Variants in ELMO1 observed in about 807,000 individuals in gnomAD.
ELMO1 encodes engulfment and cell motility 1, also known as engulfment and cell motility protein 1.
A neutral mutation model predicts 98.9 loss-of-function variants in ELMO1; 26 were observed. That is an observed-to-expected ratio of 0.26 (90% CI 0.19 to 0.36). ELMO1 has a LOEUF of 0.36. Among genes scored for constraint, ELMO1 ranks in the 10% least tolerant of loss-of-function variants. The pLI, the probability that ELMO1 is intolerant of heterozygous loss-of-function variation, is 1.00. For missense variants in ELMO1, 627 were observed against 935.2 expected (o/e 0.67, Z 4.30); for synonymous variants, 346 against 346.0 (o/e 1.00, Z 0.00).
chr7:37,368,514 C>T (rs1801989110), intron 1 of ELMO1, among the ~76,000 whole-genome samples: 1 of 152,134 alleles, frequency 6.6e-6, no homozygotes, highest in African/African-American at 2.4e-5. Flanking sequence ...CTTCCACCTC[C>T]CTGTCTCTGA....
chr7:37,411,962 G>C (rs1459094433), intron 1 of ELMO1, among the ~76,000 whole-genome samples: 1 of 152,096 alleles, frequency 6.6e-6, no homozygotes, highest in Non-Finnish European at 1.5e-5. Context: ...ATGCTCCACA[G>C]AGGAGAAAAT....
intron 14 of ELMO1, among the ~76,000 whole-genome samples, chr7:37,123,219 T>A (rs559477251): frequency 1.3e-5 from 2 of 151,888 alleles, no homozygotes. Context: ...CTTCACAATT[T>A]AAAGAACTAG....
Position 36,907,988 on chromosome 7 carries a change from A to G in ELMO1, c.1438-12971T>C, listed in dbSNP as rs372970394. On this transcript the variant is annotated intron_variant, in intron 16 of 21. Transcript: ENST00000310758. ...GGATCAGGTTTTCTTAGAAGTCCCA[A>G]TAAGCACTAACTAGACTTCCTTGAG... 4.6e-5 allele frequency among the ~76,000 whole-genome samples: 7 copies of G among 152,314 alleles called. No homozygotes were observed. The East Asian group carries it at 1.4e-3, about 29-fold the overall frequency.
At chr7:37,181,721 G>T (rs556038286) in intron 13 of ELMO1, among the ~76,000 whole-genome samples, 4 of 152,282 alleles carry the variant, frequency 2.6e-5, no homozygotes, top group African/African-American at 9.6e-5. Context: ...TTTGCCCAGG[G>T]TCACACAGCT....
At chr7:37,230,182 G>A (rs977853271) in intron 8 of ELMO1, among the ~76,000 whole-genome samples, 6 of 152,054 alleles carry the variant, frequency 3.9e-5, no homozygotes, top group African/African-American at 1.2e-4. Flanking sequence ...GCCAGGCCCC[G>A]AGGATAAAGA....
intron 7 of ELMO1, 130 bp from the exon 8 acceptor site, chr7:37,233,324 G>A: frequency 1.4e-6 from 1 of 716,020 alleles, no homozygotes; most frequent in Non-Finnish European, 2.3e-6. Context: ...CAGGACCACA[G>A]GTGACTTCTT....
chr7:37,421,662 C>A (rs1804478746), intron 1 of ELMO1, among the ~76,000 whole-genome samples: 1 of 152,178 alleles, frequency 6.6e-6, no homozygotes. Flanking sequence ...TTCTTAGGGG[C>A]TGAATATGCA....
chr7:37,336,207 C>A (rs1228835933), intron 2 of ELMO1, among the ~76,000 whole-genome samples: 4 of 151,676 alleles, frequency 2.6e-5, no homozygotes, highest in Admixed American at 6.6e-5. Context: ...GCCTGGGTGA[C>A]ACAGTGAGAC....
chr7:37,033,897 C>A (rs967213895), intron 15 of ELMO1, among the ~76,000 whole-genome samples: 1 of 152,060 alleles, frequency 6.6e-6, no homozygotes, highest in African/African-American at 2.4e-5. Context: ...AGGGAGGAAG[C>A]GAACAGTTAG....
chr7:36,899,454 G>A (rs1806310351), intron 16 of ELMO1, among the ~76,000 whole-genome samples: 1 of 152,196 alleles, frequency 6.6e-6, no homozygotes, highest in East Asian at 1.9e-4. Context: ...GGAGCAGCAT[G>A]AGCAAAGGCA....
At chr7:37,350,416 T>C (rs187460003) in intron 1 of ELMO1, among the ~76,000 whole-genome samples, 20 of 152,284 alleles carry the variant, frequency 1.3e-4, no homozygotes, top group Admixed American at 7.8e-4. Flanking sequence ...GTGTCTGGCA[T>C]TGACATCATG....
Position 36,855,335 on chromosome 7 carries a change from C to A in ELMO1, c.*216G>T. On this transcript the variant is annotated 3_prime_UTR_variant, in exon 22 of 22. Transcript: ENST00000310758. This position sits in a 1 kb window ranked among gnomAD's most constrained non-coding sequence, Gnocchi z 4.2. ...GTGGACTGCAGCCATGGGAAGTGAC[C>A]TGAAGCAGTGGAGCCGAGGAACAGA... 2 of 593,168 alleles carry A rather than the reference C, an allele frequency of 3.4e-6. No homozygotes were observed. Among genetic ancestry groups the A allele is most frequent in the South Asian group, 4.0e-5 (2 of 50,562 alleles). The allele number at this position is 593,168 out of a possible 1,614,324, so 36.7% of individuals were successfully genotyped here.
intron 14 of ELMO1, among the ~76,000 whole-genome samples, chr7:37,124,641 C>G (rs1185406215): frequency 3.9e-5 from 6 of 152,284 alleles, no homozygotes; most frequent in Middle Eastern, 3.4e-3. Flanking sequence ...AAAGAGGATA[C>G]AAACAAATGG....
chr7:37,303,899 G>C (rs539174597), intron 4 of ELMO1, among the ~76,000 whole-genome samples: 8 of 152,288 alleles, frequency 5.3e-5, no homozygotes, highest in East Asian at 3.9e-4. Context: ...TAATCATCTT[G>C]TTATAGCCTC....
intron 16 of ELMO1, among the ~76,000 whole-genome samples, chr7:36,932,302 A>G (rs1330263237): frequency 2.6e-5 from 4 of 152,178 alleles, no homozygotes; most frequent in Admixed American, 6.5e-5. Context: ...ATGAAAATCA[A>G]TTCAGGACTG....
chr7:36,871,353 T>C (rs1294575944), intron 19 of ELMO1, among the ~76,000 whole-genome samples: 2 of 152,116 alleles, frequency 1.3e-5, no homozygotes, highest in Admixed American at 1.3e-4. Flanking sequence ...CTGGGCAACA[T>C]AGGGAGACCC....
intron 16 of ELMO1, among the ~76,000 whole-genome samples, chr7:36,920,144 C>T (rs1477719263): frequency 6.6e-6 from 1 of 152,194 alleles, no homozygotes. Flanking sequence ...CTAATATGCC[C>T]CTTGGCCAGG....
intron 1 of ELMO1, among the ~76,000 whole-genome samples, chr7:37,361,954 TCA>T (rs1801717249): frequency 1.3e-5 from 2 of 152,042 alleles, no homozygotes; most frequent in Non-Finnish European, 2.9e-5. Flanking sequence ...AGAGACCCAG[TCA>T]CACACACAAA....
chr7:37,059,571 CTGTTA>C (rs573789318), intron 15 of ELMO1, among the ~76,000 whole-genome samples: 1,721 of 143,158 alleles, frequency 0.012, 16 homozygotes, highest in Non-Finnish European at 0.019. Context: ...AAATCATTCA[CTGTTA>C]TGTTAATCAT....
Sources: allele counts gnomAD v4.1 joint callset (sites outside exome capture counted in the v4.1 genomes callset), GRCh38; gene constraint gnomAD v4.1.1; non-coding constraint Gnocchi (gnomAD v3.1); transcripts MANE v1.5; gene names NCBI Gene and HGNC (gene_info 2026-07-23, HGNC 2026-07-21).